The following THAP3 variants were observed in gnomAD, a reference collection of about 807,000 sequenced individuals.
The protein encoded by THAP3 is THAP domain containing 3.
Under a neutral mutation model 17.7 loss-of-function variants are expected in THAP3, and 12 were observed. The observed-to-expected ratio is 0.68, with a 90% CI of 0.43 to 1.10. The LOEUF (loss-of-function observed/expected upper bound fraction) is 1.10. THAP3 is among the 50% of genes least tolerant of loss of function. The probability of loss-of-function intolerance (pLI) is 0.00; values close to 1 mark genes in which losing one functional copy is unlikely to be tolerated. For synonymous variants in THAP3, 133 were observed against 126.9 expected (o/e 1.05, Z -0.32); for missense variants, 289 against 318.0 (o/e 0.91, Z 0.69).
At chr1:6,626,630 G>A (rs944299626) in intron 2 of THAP3, among the ~76,000 whole-genome samples, 10 of 152,206 alleles carry the variant, frequency 6.6e-5, no homozygotes, top group African/African-American at 2.4e-4. Context: ...CTGAGGTCAG[G>A]AGTTGGAGAC....
At chr1:6,633,779 A>G (rs1426660434), downstream of THAP3, among the ~76,000 whole-genome samples, 5 of 152,112 alleles carry the variant, frequency 3.3e-5, no homozygotes, top group African/African-American at 1.2e-4. Context: ...GCGTGGTGGC[A>G]CACACCTGTA....
chr1:6,632,300 T>C, intron 4 of THAP3, 91 bp from the exon 5 acceptor site: 1 of 1,550,552 alleles, frequency 6.4e-7, no homozygotes, highest in Non-Finnish European at 8.8e-7. Flanking sequence ...GGTCCCTGGC[T>C]GTTGCCACTC....
At chr1:6,634,592 A>C, downstream of THAP3, 1 of 1,366,028 alleles carries the variant, frequency 7.3e-7, no homozygotes, top group Non-Finnish European at 9.8e-7. Flanking sequence ...TGCCACTTCC[A>C]GGCCCCGAGA....
At position 6,628,482 on chromosome 1, in the gene THAP3, C is replaced by G; in HGVS notation, c.75-17C>G. On this transcript the variant is annotated splice_polypyrimidine_tract_variant and intron_variant, in intron 2 of 5. Coordinates refer to ENST00000054650, the MANE Select transcript of THAP3 (RefSeq NM_001195753.2). ...TCCAGCCTTGCTGGGCCTCACACCC[C>G]GTGCCTCTGCCCTTAGGTTTCCGTT... The G allele has an allele frequency of 6.3e-7, 1 of 1,596,908 alleles. No individual in the cohort carries two copies. Among genetic ancestry groups the G allele is most frequent in the South Asian group, 1.1e-5 (1 of 88,088 alleles).
At position 6,628,578 on chromosome 1, in the gene THAP3, A is replaced by G; in HGVS notation, c.154A>G (p.Thr52Ala). ...GRGNFKPKQH[T>A]VICSEHFRPE... ...GGGCAACTTCAAGCCCAAGCAGCAC[A>G]CGGTCATCTGCTCCGAGCACTTCCG... Residue 52 changes from threonine to alanine, a missense_variant, in exon 3 of 6, where the codon ACG becomes GCG. Transcript: ENST00000054650. The G allele has an allele frequency of 6.2e-7, 1 of 1,613,876 alleles. No homozygotes were observed. Among genetic ancestry groups the G allele is most frequent in the Non-Finnish European group, 8.5e-7 (1 of 1,180,014 alleles).
intron 2 of THAP3, chr1:6,627,702 C>G (rs1409242838): frequency 6.6e-6 from 1 of 152,282 alleles, no homozygotes. Context: ...AACCTGCCGT[C>G]CTGTAACTTA....
At chr1:6,634,193 G>GGTGA (rs1641707594), downstream of THAP3, 1 of 1,120,438 alleles carries the variant, frequency 8.9e-7, no homozygotes. Context: ...GGTTTATTGT[G>GGTGA]GTGAGTGCCT....
chr1:6,632,465 G>A lies in THAP3; in HGVS notation c.408G>A (p.Leu136=). Reference sequence around the variant, plus strand: ...ACACTGCACTTGAAGAGCTTCAGTTGCCCCCAAATGCCGAAGGCCACGTAA... The same window carrying A: ...ACACTGCACTTGAAGAGCTTCAGTTACCCCCAAATGCCGAAGGCCACGTAA... ...NMDTALEELQ[L]PPNAEGHVKQ... is the part of the protein sequence containing the mutation. The change falls in exon 5 of 6, where the codon TTG becomes TTA. Residue 136 remains leucine, a synonymous_variant. Coordinates refer to ENST00000054650, the MANE Select transcript of THAP3 (RefSeq NM_001195753.2). The A allele has an allele frequency of 6.2e-7, 1 of 1,614,174 alleles. No homozygotes were observed. The highest frequency in any genetic ancestry group is 2.2e-5 in the East Asian group (1 of 44,886).
At chr1:6,625,405 G>GGGGACAGGCCGAGGTC (rs1641438684) in intron 2 of THAP3, 113 bp downstream of exon 2, 1 of 1,008,276 alleles carries the variant, frequency 9.9e-7, no homozygotes, top group Non-Finnish European at 1.3e-6. Context: ...CGCTGGGCCC[G>GGGGACAGGCCGAGGTC]GGGACAGGCC....
chr1:6,634,408 G>A (rs1641713818), downstream of THAP3: 1 of 1,232,228 alleles, frequency 8.1e-7, no homozygotes, highest in South Asian at 1.4e-5. Flanking sequence ...CAAAACCAGA[G>A]GAAGGAGGTT....
chr1:6,625,786 A>G (rs1641454212), intron 2 of THAP3, among the ~76,000 whole-genome samples: 1 of 152,114 alleles, frequency 6.6e-6, no homozygotes, highest in South Asian at 2.1e-4. Context: ...AATCGTCATT[A>G]GTCACAGTTG....
downstream of THAP3, chr1:6,634,683 G>C: frequency 7.3e-7 from 1 of 1,366,220 alleles, no homozygotes; most frequent in Non-Finnish European, 9.8e-7. Flanking sequence ...TGCATCCCAA[G>C]TGGGCACGTG....
rs78566790 is a variant in THAP3, at chr1:6,627,249, C to G, written c.75-1250C>G. Among the ~76,000 whole-genome samples the G allele has an allele frequency of 4.6e-3, 707 of 152,310 alleles. 4 individuals carry two copies. The highest frequency in any genetic ancestry group is 0.016 in the African/African-American group (656 of 41,556). On this transcript the variant is annotated intron_variant, in intron 2 of 5. Transcript: ENST00000054650. ...TCCCCAGGGGCCCATCTCACCCAGG[C>G]TTATCGGTTCCGCAGGGTTGGCCGC...
chr1:6,633,671 G>T, downstream of THAP3: 2 of 822,360 alleles, frequency 2.4e-6, no homozygotes, highest in Non-Finnish European at 3.1e-6. Context: ...CACTTTGAGA[G>T]GCCGAGGTGG....
At chr1:6,631,781 C>G (rs1641621537) in intron 4 of THAP3, among the ~76,000 whole-genome samples, 1 of 152,116 alleles carries the variant, frequency 6.6e-6, no homozygotes, top group African/African-American at 2.4e-5. Flanking sequence ...CCTATAATCC[C>G]AGCTACTCTG....
At chr1:6,630,218 A>T in intron 3 of THAP3, 70 bp from the exon 4 acceptor site, 1 of 1,375,856 alleles carries the variant, frequency 7.3e-7, no homozygotes, top group Non-Finnish European at 1.0e-6. Flanking sequence ...GACAAGCATG[A>T]TGCCCGAGGC....
downstream of THAP3, chr1:6,634,060 G>A (rs762900711): frequency 5.0e-6 from 8 of 1,613,774 alleles, no homozygotes; most frequent in South Asian, 4.4e-5. Context: ...CCAGCTTCAC[G>A]TGAAGCCTTG....
At chr1:6,634,015 C>T, downstream of THAP3, 1 of 1,612,940 alleles carries the variant, frequency 6.2e-7, no homozygotes, top group Non-Finnish European at 8.5e-7. Context: ...CTATTTATTT[C>T]TCAGGCAATG....
At chr1:6,629,823 T>G (rs547283198) in intron 3 of THAP3, 1 of 175,744 alleles carries the variant, frequency 5.7e-6, no homozygotes, top group East Asian at 1.5e-4. Context: ...TGGGGACGTT[T>G]GTCACTGTAG....
Sources: gnomAD v4.1 joint callset for allele counts (sites outside exome capture counted in the v4.1 genomes callset) on GRCh38, gnomAD v4.1.1 for gene constraint, MANE v1.5 for transcripts, NCBI Gene and HGNC (gene_info 2026-07-23, HGNC 2026-07-21) for gene names.